Variants in PPP2R2B observed in about 807,000 individuals in gnomAD.
PPP2R2B encodes protein phosphatase 2 regulatory subunit Bbeta.
Under a neutral mutation model 46.0 loss-of-function variants are expected in PPP2R2B, and 5 were observed. The ratio of observed to expected loss-of-function variants is 0.11; its 90% confidence interval spans 0.06 to 0.23. The LOEUF (loss-of-function observed/expected upper bound fraction) is 0.23, where lower values mean the gene tolerates loss of function less well. Among genes scored for constraint, PPP2R2B ranks in the 10% least tolerant of loss-of-function variants. The pLI is 1.00. For missense variants in PPP2R2B, 367 were observed against 575.0 expected (o/e 0.64, Z 3.70); for synonymous variants, 215 against 206.7 (o/e 1.04, Z -0.34).
At chr5:146,829,940 C>A (rs923009307) in intron 2 of PPP2R2B, among the ~76,000 whole-genome samples, 1 of 152,106 alleles carries the variant, frequency 6.6e-6, no homozygotes, top group Admixed American at 6.6e-5. Flanking sequence ...CCTGGGCAAG[C>A]TTTTGAAGTT....
chr5:146,622,168 C>A (rs1414658946), intron 7 of PPP2R2B, among the ~76,000 whole-genome samples: 2 of 152,210 alleles, frequency 1.3e-5, no homozygotes, highest in Non-Finnish European at 2.9e-5. Context: ...TTCAAGCCCC[C>A]TCTACCTTTG....
upstream of PPP2R2B, among the ~76,000 whole-genome samples, chr5:147,056,414 G>A (rs1306982545): frequency 6.6e-6 from 1 of 152,132 alleles, no homozygotes; most frequent in African/African-American, 2.4e-5. Flanking sequence ...CGGTGACAGA[G>A]GGCTAACACA....
At chr5:146,819,355 C>T (rs1758120101) in intron 2 of PPP2R2B, among the ~76,000 whole-genome samples, 1 of 152,128 alleles carries the variant, frequency 6.6e-6, no homozygotes, top group African/African-American at 2.4e-5. Flanking sequence ...TAAGGATGAG[C>T]ACATTCTCAA....
chr5:146,900,587 CTT>C (rs1762800302), intron 1 of PPP2R2B, among the ~76,000 whole-genome samples: 17 of 112,324 alleles, frequency 1.5e-4, no homozygotes, highest in African/African-American at 5.6e-4. Flanking sequence ...TCCTTCCTTC[CTT>C]CCTTCTTTCC....
intron 2 of PPP2R2B, among the ~76,000 whole-genome samples, chr5:146,771,754 T>A (rs1754869927): frequency 6.6e-6 from 1 of 152,348 alleles, no homozygotes; most frequent in East Asian, 1.9e-4. Flanking sequence ...ATATAGCTAA[T>A]CTGTGTTTCC....
chr5:146,631,324 T>C (rs1449123680), intron 7 of PPP2R2B, among the ~76,000 whole-genome samples: 1 of 152,236 alleles, frequency 6.6e-6, no homozygotes, highest in Non-Finnish European at 1.5e-5. Context: ...TGCCCACATT[T>C]CATGGCCCCT....
intron 2 of PPP2R2B, among the ~76,000 whole-genome samples, chr5:146,751,986 C>T (rs1328412115): frequency 6.6e-6 from 1 of 152,066 alleles, no homozygotes; most frequent in African/African-American, 2.4e-5. Context: ...GAGGCCAGAT[C>T]ATGTGAAACT....
intron 2 of PPP2R2B, among the ~76,000 whole-genome samples, chr5:146,708,403 G>A (rs1205829088): frequency 8.5e-6 from 1 of 117,240 alleles, no homozygotes; most frequent in Non-Finnish European, 1.8e-5. Flanking sequence ...GTATGTGTGT[G>A]TGTATGTGTG....
In PPP2R2B at chr5:146,590,180, T is replaced by G; in HGVS notation, c.1099A>C (p.Arg367=). 1 of 1,614,140 alleles carries G rather than the reference T, an allele frequency of 6.2e-7. No homozygotes were observed. Among genetic ancestry groups the G allele is most frequent in the South Asian group, 1.1e-5 (1 of 91,078 alleles). ...AGGGTCACATCACGCTTGGTGTTTC[T>G]GTCGAACATCCTGAAGAAGTTGTTG... is the stretch of plus-strand genomic sequence containing the variant. ...SYNNFFRMFD[R]NTKRDVTLEA... is the part of the protein sequence containing the mutation. The change falls in exon 10 of 10, where the codon AGA becomes CGA. Residue 367 remains arginine (R), a synonymous_variant. Transcript: ENST00000394411.
At chr5:146,841,973 T>A (rs1020343866) in intron 2 of PPP2R2B, among the ~76,000 whole-genome samples, 3 of 152,174 alleles carry the variant, frequency 2.0e-5, no homozygotes, top group African/African-American at 7.2e-5. Flanking sequence ...AGAAATCTTT[T>A]AAAATTTTAA....
intron 7 of PPP2R2B, among the ~76,000 whole-genome samples, chr5:146,635,615 A>T (rs1420135481): frequency 6.6e-6 from 1 of 152,196 alleles, no homozygotes; most frequent in East Asian, 1.9e-4. Flanking sequence ...TTGGTGGCCC[A>T]GAAAGCCCGG....
intron 2 of PPP2R2B, among the ~76,000 whole-genome samples, chr5:146,752,068 C>T (rs1753589239): frequency 6.6e-6 from 1 of 152,036 alleles, no homozygotes. Context: ...ATTTGACTTA[C>T]AGAGAACAGA....
chr5:146,870,305 C>T (rs937316140), intron 2 of PPP2R2B, among the ~76,000 whole-genome samples: 1 of 152,018 alleles, frequency 6.6e-6, no homozygotes, highest in Admixed American at 6.6e-5. Context: ...GGAGATAGGT[C>T]CTTTAAGGAG....
chr5:147,069,877 G>A (rs538595792), intron 2 of PPP2R2B, among the ~76,000 whole-genome samples: 48 of 126,316 alleles, frequency 3.8e-4, no homozygotes, highest in African/African-American at 1.2e-3. Context: ...TGCAACCTCC[G>A]CCTACCAGGT....
intron 2 of PPP2R2B, among the ~76,000 whole-genome samples, chr5:146,727,713 T>C (rs1751963235): frequency 6.6e-6 from 1 of 152,082 alleles, no homozygotes; most frequent in Non-Finnish European, 1.5e-5. Flanking sequence ...ATACCCAAAA[T>C]CTATTCTTTT....
chr5:146,860,190 CACAA>C lies in PPP2R2B; in HGVS notation c.70+17808_70+17811del, dbSNP rs573436741. ...CATCTTAAAACGTTTTACAGGTCCA[CACAA>C]ACAGGTAAAACAAAAGCCATCATGC... On this transcript the variant is annotated intron_variant, in intron 2 of 9. Coordinates refer to ENST00000394411, the MANE Select transcript of PPP2R2B (RefSeq NM_181675.4). 1.6e-4 allele frequency among the ~76,000 whole-genome samples: 25 copies of C among 152,294 alleles called. No individual in the cohort carries two copies. The East Asian group carries it at 4.8e-3, about 29-fold the overall frequency.
chr5:147,069,595 G>A (rs1024213777), intron 2 of PPP2R2B, among the ~76,000 whole-genome samples: 1 of 151,844 alleles, frequency 6.6e-6, no homozygotes, highest in East Asian at 1.9e-4. Context: ...TTCTGTCCAG[G>A]GCCTTCACAC....
chr5:146,844,104 C>CA (rs1462802751), intron 2 of PPP2R2B, among the ~76,000 whole-genome samples: 2 of 147,510 alleles, frequency 1.4e-5, no homozygotes, highest in South Asian at 2.1e-4. Context: ...ATCGCAAGAA[C>CA]AAAAAACCAA....
intron 1 of PPP2R2B, among the ~76,000 whole-genome samples, chr5:146,955,102 GA>G (rs1751825818): frequency 1.3e-5 from 2 of 152,068 alleles, no homozygotes; most frequent in South Asian, 4.1e-4. Context: ...TAGTGAGAGT[GA>G]AAACCATAAT....
Sources: allele counts gnomAD v4.1 joint callset (sites outside exome capture counted in the v4.1 genomes callset), GRCh38; gene constraint gnomAD v4.1.1; transcripts MANE v1.5; gene names NCBI Gene and HGNC (gene_info 2026-07-23, HGNC 2026-07-21).